Variants in RANBP2 observed in about 807,000 individuals in gnomAD.
The protein encoded by RANBP2 is E3 SUMO-protein ligase RanBP2.
A neutral mutation model predicts 303.6 loss-of-function variants in RANBP2; 57 were observed. That is an observed-to-expected ratio of 0.19 (90% CI 0.15 to 0.23). The LOEUF is 0.23. Ranked by LOEUF, RANBP2 falls within the 10% of genes least tolerant of loss-of-function variation. The pLI is 1.00. For missense variants in RANBP2, 3,138 were observed against 3,780.8 expected, an observed-to-expected ratio of 0.83 and a Z score of 4.46; for synonymous variants, 1,167 against 1,301.5, an observed-to-expected ratio of 0.90 and a Z score of 2.23.
chr2:109,313,867 G>A, the RANBP2 span, among the ~76,000 whole-genome samples: 47,433 of 152,078 alleles, frequency 0.31, 9,176 homozygotes, highest in African/African-American at 0.55. Flanking sequence ...CCAGAGCAGA[G>A]GGATTTGAAG....
chr2:109,521,567 G>A, the RANBP2 span, among the ~76,000 whole-genome samples: 4 of 152,196 alleles, frequency 2.6e-5, no homozygotes, highest in Non-Finnish European at 5.9e-5. Context: ...GTGCATGCTC[G>A]CGGTCCCGAG....
At chr2:108,832,990 A>T in the RANBP2 span, among the ~76,000 whole-genome samples, 2 of 152,218 alleles carry the variant, frequency 1.3e-5, no homozygotes, top group African/African-American at 4.8e-5. Context: ...CCTTAAATGC[A>T]CATTGCTCAG....
intron 24 of RANBP2, among the ~76,000 whole-genome samples, chr2:108,776,860 T>C (rs890388740): frequency 6.6e-5 from 10 of 152,316 alleles, no homozygotes; most frequent in Admixed American, 6.5e-4. Context: ...AATATCTGGC[T>C]TAATATAGAT....
the RANBP2 span, among the ~76,000 whole-genome samples, chr2:108,890,742 TATTA>T: frequency 6.6e-6 from 1 of 152,182 alleles, no homozygotes; most frequent in Non-Finnish European, 1.5e-5. Context: ...TCTATTATTT[TATTA>T]ATTAAATTTT....
Position 108,766,410 on chromosome 2 carries a change from A to G in RANBP2, c.5871A>G (p.Glu1957=), listed in dbSNP as rs202117246. Residue 1957 remains glutamate (E), a synonymous_variant, in exon 20 of 29, where the codon GAA becomes GAG. Transcript: ENST00000283195. ...FADLAKSTSG[E]GFQFGKKDPN... is the part of the protein sequence containing the mutation. ...ATCTTGCAAAATCAACTTCAGGAGA[A>G]GGATTTCAGTTTGGCAAAAAAGACC... The G allele has an allele frequency of 6.3e-5, 102 of 1,612,000 alleles. 1 individual carries two copies. The African/African-American group carries it at 1.1e-3, about 17-fold the overall frequency.
the RANBP2 span, among the ~76,000 whole-genome samples, chr2:109,084,707 G>A: frequency 3.9e-5 from 6 of 152,062 alleles, no homozygotes; most frequent in South Asian, 1.2e-3. Context: ...CAACACAAAG[G>A]GCGTTCCTCA....
chr2:109,615,668 G>A, the RANBP2 span: 5 of 1,614,168 alleles, frequency 3.1e-6, no homozygotes, highest in South Asian at 1.1e-5. Context: ...TCAAGAACCT[G>A]GTGGGAGCCC....
At chr2:109,147,831 G>A in the RANBP2 span, among the ~76,000 whole-genome samples, 1 of 152,176 alleles carries the variant, frequency 6.6e-6, no homozygotes, top group Non-Finnish European at 1.5e-5. Flanking sequence ...AATAACTCCT[G>A]TAGATGAGTA....
chr2:109,167,937 G>A, the RANBP2 span, among the ~76,000 whole-genome samples: 9 of 152,128 alleles, frequency 5.9e-5, no homozygotes, highest in African/African-American at 1.7e-4. Flanking sequence ...TGTGTTTATT[G>A]TTGTATCTTT....
chr2:109,026,428 C>T, the RANBP2 span, among the ~76,000 whole-genome samples: 1 of 151,700 alleles, frequency 6.6e-6, no homozygotes, highest in African/African-American at 2.4e-5. Context: ...CACACCTGGA[C>T]AGCGCATTAT....
chr2:108,770,043 A>G (rs1365847631), intron 20 of RANBP2, among the ~76,000 whole-genome samples: 1 of 152,204 alleles, frequency 6.6e-6, no homozygotes, highest in Non-Finnish European at 1.5e-5. Context: ...AGAAATGTGA[A>G]AAGTGTTAAC....
At chr2:108,975,449 G>A in the RANBP2 span, among the ~76,000 whole-genome samples, 1 of 152,188 alleles carries the variant, frequency 6.6e-6, no homozygotes, top group African/African-American at 2.4e-5. Flanking sequence ...CAGCACATGA[G>A]AGCAAGACCT....
At chr2:109,521,080 G>A in the RANBP2 span, among the ~76,000 whole-genome samples, 1 of 152,112 alleles carries the variant, frequency 6.6e-6, no homozygotes, top group Non-Finnish European at 1.5e-5. Flanking sequence ...AGCCGGGCGT[G>A]GTGGCGGGCA....
chr2:109,400,965 T>C, the RANBP2 span, among the ~76,000 whole-genome samples: 7 of 152,326 alleles, frequency 4.6e-5, no homozygotes, highest in East Asian at 1.2e-3. Context: ...TAAATTCTTC[T>C]TGAGCACCTC....
the RANBP2 span, chr2:109,129,162 C>T: frequency 2.4e-6 from 1 of 420,388 alleles, no homozygotes; most frequent in Non-Finnish European, 4.6e-6. Flanking sequence ...GCTGCCCGCA[C>T]TTCCTGCCGC....
the RANBP2 span, among the ~76,000 whole-genome samples, chr2:109,459,022 C>G: frequency 6.6e-6 from 1 of 152,252 alleles, no homozygotes; most frequent in Admixed American, 6.5e-5. Context: ...AGTCATACTT[C>G]TGCCTAATAT....
At chr2:108,752,617 C>CAAAA (rs1247816984) in intron 12 of RANBP2, among the ~76,000 whole-genome samples, 10 of 40,670 alleles carry the variant, frequency 2.5e-4, no homozygotes, top group East Asian at 8.0e-4. Context: ...ACTAAAAATA[C>CAAAA]AAAAAAAAAA....
intron 1 of RANBP2, among the ~76,000 whole-genome samples, chr2:108,722,265 C>A (rs1321133130): frequency 6.6e-6 from 1 of 151,684 alleles, no homozygotes; most frequent in African/African-American, 2.4e-5. Context: ...TCTTTTTTTT[C>A]CCCCAAATTT....
chr2:109,677,639 G>T, the RANBP2 span, among the ~76,000 whole-genome samples: 2 of 152,182 alleles, frequency 1.3e-5, no homozygotes, highest in Admixed American at 6.5e-5. Flanking sequence ...TGGGCCACCT[G>T]TGCACGTCCT....
Sources: gnomAD v4.1 joint callset for allele counts (sites outside exome capture counted in the v4.1 genomes callset) on GRCh38, gnomAD v4.1.1 for gene constraint, MANE v1.5 for transcripts, NCBI Gene and HGNC (gene_info 2026-07-23, HGNC 2026-07-21) for gene names.